The following ALDH1L2 variants were observed in gnomAD, a reference collection of about 807,000 sequenced individuals.
ALDH1L2 encodes the protein mitochondrial 10-formyltetrahydrofolate dehydrogenase.
Under a neutral mutation model 111.0 loss-of-function variants are expected in ALDH1L2, and 91 were observed. That is an observed-to-expected ratio of 0.82 (90% CI 0.69 to 0.98). The LOEUF (loss-of-function observed/expected upper bound fraction) is 0.98. Among genes scored for constraint, ALDH1L2 ranks in the 50% least tolerant of loss-of-function variants. The pLI, the probability that ALDH1L2 is intolerant of heterozygous loss-of-function variation, is 0.00. For missense variants in ALDH1L2, 995 were observed against 1,126.8 expected, an observed-to-expected ratio of 0.88 and a Z score of 1.67; for synonymous variants, 374 against 392.6, an observed-to-expected ratio of 0.95 and a Z score of 0.56.
rs1877520555 is a variant in ALDH1L2, at chr12:105,068,819, G to A, written c.494C>T (p.Thr165Ile). ...TGATCTCTGAAGAAGGATGGGTCCT[G>A]TATCCAAGCCATCATCAGCCCAGAA... ...SVFWADDGLDTGPILLQRSCD... is the reference protein window; with the variant it reads ...SVFWADDGLDIGPILLQRSCD... Residue 165 changes from threonine (T) to isoleucine (I), a missense_variant, in exon 4 of 23, where the codon ACA becomes ATA. Coordinates refer to ENST00000258494, the MANE Select transcript of ALDH1L2 (RefSeq NM_001034173.4). The A allele has an allele frequency of 1.2e-6, 2 of 1,608,324 alleles. No homozygotes were observed. Among genetic ancestry groups the A allele is most frequent in the East Asian group, 2.2e-5 (1 of 44,602 alleles).
intron 5 of ALDH1L2, 74 bp from the exon 6 acceptor site, chr12:105,065,430 A>C: frequency 8.1e-7 from 1 of 1,239,210 alleles, no homozygotes; most frequent in Non-Finnish European, 1.2e-6. Context: ...GCTTCTCGTC[A>C]TCAGAGGCAG....
At chr12:105,034,256 G>A (rs766183621) in intron 19 of ALDH1L2, 44 bp downstream of exon 19, 1 of 1,584,276 alleles carries the variant, frequency 6.3e-7, no homozygotes, top group Non-Finnish European at 8.6e-7. Context: ...TCAAGTAAAA[G>A]CAAAATCTCT....
intron 1 of ALDH1L2, among the ~76,000 whole-genome samples, chr12:105,077,673 TGTCCACCCTCTG>T (rs1878131166): frequency 6.6e-6 from 1 of 150,602 alleles, no homozygotes. Context: ...ATTCCCAGGC[TGTCCACCCTCTG>T]GTGGAATTCT....
intron 6 of ALDH1L2, among the ~76,000 whole-genome samples, chr12:105,065,004 T>C (rs1877259509): frequency 6.6e-6 from 1 of 152,162 alleles, no homozygotes; most frequent in Admixed American, 6.5e-5. Context: ...TCAGCCTCCA[T>C]GATAGCGTTT....
chr12:105,067,717 G>T (rs1250354592), intron 4 of ALDH1L2, among the ~76,000 whole-genome samples: 3 of 152,122 alleles, frequency 2.0e-5, no homozygotes, highest in Non-Finnish European at 4.4e-5. Flanking sequence ...CCACCCAAGA[G>T]CACACGGAGG....
chr12:105,022,432 C>A lies in ALDH1L2; in HGVS notation c.*1992G>T, dbSNP rs1053253777. The A allele has an allele frequency of 2.0e-5, 3 of 152,150 alleles. No homozygotes were observed. Among genetic ancestry groups the A allele is most frequent in the African/African-American group, 7.2e-5 (3 of 41,432 alleles). 9.4% of individuals were successfully genotyped at this position (152,150 alleles called of 1,614,324 possible). On this transcript the variant is annotated 3_prime_UTR_variant, in exon 23 of 23. Transcript: ENST00000258494. ...CCAGAGAATATTTAAAACACTGCTACTGAGATGAATATTAGAGGGTAAAGT... is the reference window on the plus strand; with the variant it reads ...CCAGAGAATATTTAAAACACTGCTAATGAGATGAATATTAGAGGGTAAAGT...
chr12:105,053,080 T>G (rs1054103789), intron 10 of ALDH1L2, 149 bp from the exon 11 acceptor site: 2 of 1,018,596 alleles, frequency 2.0e-6, no homozygotes, highest in Admixed American at 5.0e-5. Flanking sequence ...TATGTGAGAT[T>G]TGGGCCTCAA....
At chr12:105,030,890 C>T (rs1165399142) in intron 20 of ALDH1L2, among the ~76,000 whole-genome samples, 3 of 152,212 alleles carry the variant, frequency 2.0e-5, no homozygotes, top group East Asian at 1.9e-4. Flanking sequence ...TTAGCTTTTT[C>T]ACAGTTGGTT....
chr12:105,043,069 T>C lies in ALDH1L2; in HGVS notation c.1864-2375A>G, dbSNP rs140143342. On this transcript the variant is annotated intron_variant, in intron 15 of 22. Coordinates refer to ENST00000258494, the MANE Select transcript of ALDH1L2 (RefSeq NM_001034173.4). ...AATGAACCATAACTAACATTTATTG[T>C]ATGGCTGGATAACGCTGCTCTCACA... 1.8e-3 allele frequency among the ~76,000 whole-genome samples: 267 copies of C among 152,306 alleles called. 2 individuals carry two copies. Among genetic ancestry groups the C allele is most frequent in the African/African-American group, 6.3e-3 (261 of 41,566 alleles).
chr12:105,036,517 TATATATATATATA>T (rs1875134090), intron 18 of ALDH1L2, among the ~76,000 whole-genome samples: 2 of 4,702 alleles, frequency 4.3e-4, no homozygotes, highest in African/African-American at 5.1e-3. Context: ...ATATATTTTA[TATATATATATATA>T]TATATATATA....
intron 1 of ALDH1L2, among the ~76,000 whole-genome samples, chr12:105,080,207 C>T (rs1878270249): frequency 6.6e-6 from 1 of 152,098 alleles, no homozygotes; most frequent in Non-Finnish European, 1.5e-5. Flanking sequence ...TATGTAGCAT[C>T]AAATTGACCT....
chr12:105,074,039 T>G lies in ALDH1L2; in HGVS notation c.49-34A>C, dbSNP rs765270828. ...CAATTCAATGACGAAGACATAAGCA[T>G]GGATAGAAGACACTGGATGAGGGTG... On this transcript the variant is annotated intron_variant, in intron 1 of 22. Transcript: ENST00000258494. 7 of 1,613,274 alleles carry G rather than the reference T, an allele frequency of 4.3e-6. No individual in the cohort carries two copies. The East Asian group carries it at 1.6e-4, about 36-fold the overall frequency.
At chr12:105,038,260 T>C (rs76971370) in intron 17 of ALDH1L2, 58 bp from the exon 18 acceptor site, 1 of 567,962 alleles carries the variant, frequency 1.8e-6, no homozygotes, top group Admixed American at 2.7e-5. Context: ...TCTCTCTCTC[T>C]CACACACACA....
Position 105,050,547 on chromosome 12 carries a change from C to T in ALDH1L2, c.1536-489G>A, listed in dbSNP as rs754532110. 61 of 359,512 alleles carry T rather than the reference C, an allele frequency of 1.7e-4. 1 individual carries two copies. The highest frequency in any genetic ancestry group is 7.6e-4 in the Middle Eastern group (2 of 2,642). 22.3% of individuals were successfully genotyped at this position (359,512 alleles called of 1,614,324 possible). A position where few individuals can be genotyped will look rare whatever the true frequency, so the allele number is the denominator to read the frequency against. The stretch of plus-strand genomic sequence containing the variant: ...GCAGGACTGTATAATGACTATGATA[C>T]GGTAAGACTCATCTTTTGTGTTCAA... On this transcript the variant is annotated intron_variant, in intron 12 of 22. Coordinates refer to ENST00000258494, the MANE Select transcript of ALDH1L2 (RefSeq NM_001034173.4).
At position 105,049,047 on chromosome 12, in the gene ALDH1L2, A is replaced by AT. The variant is rs34116328; in HGVS notation, c.1686+860dup. ...TCCATCTCAAAAGAAAGAAAAAAAA[A>AT]TTTTTTTTTAATTTATTTCTCCTAG... On this transcript the variant is annotated intron_variant, in intron 13 of 22. Transcript: ENST00000258494. 2.8e-4 allele frequency among the ~76,000 whole-genome samples: 42 copies of AT among 151,256 alleles called. No individual in the cohort carries two copies. In the South Asian group the frequency reaches 6.1e-3, roughly 22 times the overall value.
intron 1 of ALDH1L2, among the ~76,000 whole-genome samples, chr12:105,079,625 A>G (rs546554095): frequency 6.6e-6 from 1 of 152,332 alleles, no homozygotes; most frequent in African/African-American, 2.4e-5. Context: ...CTCCAGTACT[A>G]GAGAGGCAGG....
At chr12:105,055,304 G>T (rs1876545785) in intron 10 of ALDH1L2, among the ~76,000 whole-genome samples, 1 of 152,294 alleles carries the variant, frequency 6.6e-6, no homozygotes, top group African/African-American at 2.4e-5. Flanking sequence ...CCAATCATTA[G>T]ATGACCATTA....
At position 105,058,151 on chromosome 12, in the gene ALDH1L2, G is replaced by C. The variant is rs776255629; in HGVS notation, c.1209C>G (p.Thr403=). The change falls in exon 10 of 23, where the codon ACC becomes ACG. Residue 403 remains threonine (T), a synonymous_variant. Coordinates refer to ENST00000258494, the MANE Select transcript of ALDH1L2 (RefSeq NM_001034173.4). ...QLQNEDVYMA[T]KFEGFIQKVV... ...CCTTTTGGATAAAGCCTTCAAACTT[G>C]GTGGCCATATAGACATCTTCATTCT... 4 of 1,613,412 alleles carry C rather than the reference G, an allele frequency of 2.5e-6. No homozygotes were observed. The Admixed American group carries it at 6.7e-5, about 27-fold the overall frequency.
Position 105,020,450 on chromosome 12 carries a change from G to T in ALDH1L2, c.*3974C>A, listed in dbSNP as rs908063094. 2.6e-5 allele frequency: 4 copies of T among 152,236 alleles called. No homozygotes were observed. The East Asian group carries it at 7.7e-4, about 29-fold the overall frequency. The allele number at this position is 152,236 out of a possible 1,614,324, so 9.4% of individuals were successfully genotyped here. ...CTTAATAGCTGTGTGATTTGAGCAG[G>T]TTACTTAACCTCTCCATTTGAAAGC... On this transcript the variant is annotated 3_prime_UTR_variant, in exon 23 of 23. Transcript: ENST00000258494.
Sources: gnomAD v4.1 joint callset for allele counts (sites outside exome capture counted in the v4.1 genomes callset) on GRCh38, gnomAD v4.1.1 for gene constraint, MANE v1.5 for transcripts, NCBI Gene and HGNC (gene_info 2026-07-23, HGNC 2026-07-21) for gene names.